The following KCNT2 variants were observed in gnomAD, a reference collection of about 807,000 sequenced individuals.
KCNT2 encodes the protein potassium channel subfamily T member 2.
KCNT2 carries 67 observed loss-of-function variants against 153.8 expected under a neutral mutation model. The ratio of observed to expected loss-of-function variants is 0.44; its 90% CI spans 0.36 to 0.53. The LOEUF (loss-of-function observed/expected upper bound fraction) is 0.53, where lower values mean the gene tolerates loss of function less well. KCNT2 is among the 20% of genes least tolerant of loss of function. The pLI, the probability that KCNT2 is intolerant of heterozygous loss-of-function variation, is 0.00. For synonymous variants in KCNT2, 500 were observed against 458.8 expected, an observed-to-expected ratio of 1.09 and a Z score of -1.15; for missense variants, 975 against 1,354.8, an observed-to-expected ratio of 0.72 and a Z score of 4.40.
intron 27 of KCNT2, among the ~76,000 whole-genome samples, chr1:196,231,215 A>G (rs187766699): frequency 2.2e-3 from 336 of 152,012 alleles, no homozygotes; most frequent in Middle Eastern, 6.8e-3. Context: ...ATTTTTAGAC[A>G]TAATGCTTTG....
At chr1:196,508,189 C>CAAAAAAAAAAAA (rs10539910) in intron 1 of KCNT2, among the ~76,000 whole-genome samples, 3 of 59,984 alleles carry the variant, frequency 5.0e-5, no homozygotes, top group Admixed American at 4.6e-4. Flanking sequence ...CCCTAAGTAG[C>CAAAAAAAAAAAA]AAAAAAAAAA....
At chr1:196,377,443 C>T (rs1669068669) in intron 13 of KCNT2, among the ~76,000 whole-genome samples, 1 of 151,866 alleles carries the variant, frequency 6.6e-6, no homozygotes, top group African/African-American at 2.4e-5. Context: ...TATAGAAATG[C>T]ATACTGTAGA....
chr1:196,445,569 A>G (rs150952448), intron 8 of KCNT2, among the ~76,000 whole-genome samples: 242 of 151,580 alleles, frequency 1.6e-3, no homozygotes, highest in African/African-American at 5.6e-3. Context: ...TTTGAATTCA[A>G]TTCTTAAAGT....
At chr1:196,419,688 C>T (rs114393908) in intron 12 of KCNT2, among the ~76,000 whole-genome samples, 1 of 151,964 alleles carries the variant, frequency 6.6e-6, no homozygotes, top group Non-Finnish European at 1.5e-5. Flanking sequence ...AAATATTTCC[C>T]TTCAGAATTT....
chr1:196,536,051 C>T (rs1486310955), intron 1 of KCNT2, among the ~76,000 whole-genome samples: 1 of 152,212 alleles, frequency 6.6e-6, no homozygotes, highest in Non-Finnish European at 1.5e-5. Context: ...AACCCTGGAT[C>T]CAGAGGCCAC....
intron 8 of KCNT2, among the ~76,000 whole-genome samples, chr1:196,457,050 C>A (rs1676732838): frequency 6.6e-6 from 1 of 151,878 alleles, no homozygotes; most frequent in Non-Finnish European, 1.5e-5. Flanking sequence ...ATTTTCCAAA[C>A]AAAATAATTT....
At chr1:196,336,573 C>G (rs1665058741) in intron 16 of KCNT2, among the ~76,000 whole-genome samples, 2 of 152,136 alleles carry the variant, frequency 1.3e-5, no homozygotes, top group South Asian at 4.1e-4. Context: ...CTCCGTTTTG[C>G]AGTCAGACGT....
intron 14 of KCNT2, among the ~76,000 whole-genome samples, chr1:196,370,362 T>A (rs375963710): frequency 1.3e-5 from 2 of 152,130 alleles, no homozygotes; most frequent in South Asian, 4.2e-4. Context: ...ATTACACAGT[T>A]CTATGAAGTC....
intron 1 of KCNT2, among the ~76,000 whole-genome samples, chr1:196,528,344 G>C (rs1271359294): frequency 1.3e-5 from 2 of 152,106 alleles, no homozygotes; most frequent in Admixed American, 6.5e-5. Flanking sequence ...TGATACACTA[G>C]TTTTATTATT....
chr1:196,243,853 T>C (rs1390711860), intron 26 of KCNT2, among the ~76,000 whole-genome samples: 2 of 152,112 alleles, frequency 1.3e-5, no homozygotes, highest in African/African-American at 2.4e-5. Context: ...CCCAGTGAGA[T>C]ACCAGCTGGG....
chr1:196,592,392 G>C lies in KCNT2; in HGVS notation c.95+15823C>G, dbSNP rs140682638. Among the ~76,000 whole-genome samples, 124 of 150,200 alleles carry C rather than the reference G, an allele frequency of 8.3e-4. 1 individual carries two copies. Among genetic ancestry groups the C allele is most frequent in the African/African-American group, 2.8e-3 (115 of 41,050 alleles). ...GGTGTTGGGAGAGGAGGTGGGGATGGTTAATGGGTACCAAAGATAAAAAAG... is the reference window on the plus strand; with the variant it reads ...GGTGTTGGGAGAGGAGGTGGGGATGCTTAATGGGTACCAAAGATAAAAAAG... On this transcript the variant is annotated intron_variant, in intron 1 of 27. Transcript: ENST00000294725.
chr1:196,255,242 T>C (rs1025861339), intron 26 of KCNT2, among the ~76,000 whole-genome samples: 2 of 151,826 alleles, frequency 1.3e-5, no homozygotes, highest in Non-Finnish European at 3.0e-5. Flanking sequence ...ACTTGCATTC[T>C]ATTATTTGAC....
chr1:196,454,499 A>G (rs1017813444), intron 8 of KCNT2, among the ~76,000 whole-genome samples: 5 of 151,976 alleles, frequency 3.3e-5, no homozygotes, highest in Non-Finnish European at 5.9e-5. Context: ...TAATTCACTT[A>G]GGATGATGGC....
At chr1:196,465,031 A>G (rs549418675) in intron 8 of KCNT2, among the ~76,000 whole-genome samples, 44 of 152,126 alleles carry the variant, frequency 2.9e-4, no homozygotes, top group African/African-American at 1.0e-3. Flanking sequence ...ATAAATTCTC[A>G]TAGTTTGGCT....
intron 16 of KCNT2, among the ~76,000 whole-genome samples, chr1:196,338,283 A>T (rs1182092897): frequency 6.6e-6 from 1 of 152,108 alleles, no homozygotes; most frequent in Non-Finnish European, 1.5e-5. Context: ...ATTAGTGAAG[A>T]TTGAAAGAAA....
intron 1 of KCNT2, among the ~76,000 whole-genome samples, chr1:196,595,606 T>A (rs1166655924): frequency 6.6e-6 from 1 of 152,212 alleles, no homozygotes; most frequent in Non-Finnish European, 1.5e-5. Context: ...TTACTTATAA[T>A]AACTAGTACA....
At chr1:196,592,816 C>G (rs1400778931) in intron 1 of KCNT2, among the ~76,000 whole-genome samples, 2 of 147,244 alleles carry the variant, frequency 1.4e-5, no homozygotes, top group Non-Finnish European at 3.0e-5. Context: ...TTTAAATGTA[C>G]TTTTACTTTT....
At chr1:196,281,501 A>G (rs556387166) in intron 24 of KCNT2, among the ~76,000 whole-genome samples, 5 of 152,292 alleles carry the variant, frequency 3.3e-5, no homozygotes, top group African/African-American at 4.8e-5. Flanking sequence ...GTTCCACCCA[A>G]TGTTCCAATA....
intron 1 of KCNT2, among the ~76,000 whole-genome samples, chr1:196,514,561 GA>G (rs1258149389): frequency 6.6e-6 from 1 of 152,048 alleles, no homozygotes; most frequent in Non-Finnish European, 1.5e-5. Context: ...TAAAATGCTG[GA>G]AAAATGTGTA....
Sources: gnomAD v4.1 joint callset for allele counts (sites outside exome capture counted in the v4.1 genomes callset) on GRCh38, gnomAD v4.1.1 for gene constraint, MANE v1.5 for transcripts, NCBI Gene and HGNC (gene_info 2026-07-23, HGNC 2026-07-21) for gene names.